PRR5: variants seen among roughly 807,000 people sequenced by gnomAD.
The protein encoded by PRR5 is proline rich 5, also known as proline-rich protein 5.
Under a neutral mutation model 30.6 loss-of-function variants are expected in PRR5, and 25 were observed. The ratio of observed to expected loss-of-function variants is 0.82; its 90% CI spans 0.60 to 1.14. PRR5 has a LOEUF of 1.14. Ranked by LOEUF, PRR5 falls within the 50% of genes most tolerant of loss-of-function variation. The probability of loss-of-function intolerance (pLI) is 0.00; values close to 1 mark genes in which losing one functional copy is unlikely to be tolerated. For synonymous variants in PRR5, 286 were observed against 247.1 expected (o/e 1.16, Z -1.48); for missense variants, 600 against 547.1 (o/e 1.10, Z -0.96).
At chr22:44,732,455 C>T (rs1602093998) in intron 6 of PRR5, 64 bp downstream of exon 6, 2 of 1,560,142 alleles carry the variant, frequency 1.3e-6, no homozygotes, top group East Asian at 4.6e-5. Context: ...CTCAGGTCCC[C>T]ACAGGCAGAG....
upstream of PRR5, among the ~76,000 whole-genome samples, chr22:44,697,893 T>G (rs1285081125): frequency 6.6e-6 from 1 of 152,210 alleles, no homozygotes; most frequent in East Asian, 1.9e-4. Context: ...CCCTGTATCA[T>G]GCCTATAGTA....
chr22:44,713,696 C>G (rs970537406), intron 1 of PRR5, among the ~76,000 whole-genome samples: 1 of 152,108 alleles, frequency 6.6e-6, no homozygotes, highest in Admixed American at 6.5e-5. Flanking sequence ...ACACCAGTCA[C>G]GTTGAGCAGT....
Position 44,736,978 on chromosome 22 carries a change from G to A in PRR5, c.898G>A (p.Gly300Ser), listed in dbSNP as rs749045779. 66 of 1,600,708 alleles carry A rather than the reference G, an allele frequency of 4.1e-5. No homozygotes were observed. The highest frequency in any genetic ancestry group is 6.6e-5 in the South Asian group (6 of 90,682). ...PEPQGFSDPP[G>S]QGPTGTFRSS... ...GCCTCAGGGCTTCTCCGACCCGCCC[G>A]GCCAGGGCCCCACCGGGACCTTCAG... The change falls in exon 8 of 8, where the codon GGC becomes AGC. Residue 300 changes from glycine to serine, a missense_variant. Gly to Ser is a moderately conservative substitution (Grantham distance 56, BLOSUM62 0). Transcript: ENST00000336985.
chr22:44,694,340 C>A (rs1324764563), intron 1 of PRR5, among the ~76,000 whole-genome samples: 3 of 152,186 alleles, frequency 2.0e-5, no homozygotes, highest in African/African-American at 7.2e-5. Context: ...AAGTTCGAGA[C>A]CAGCCTGGCC....
chr22:44,730,504 C>T (rs1171197094), intron 4 of PRR5: 49 of 989,440 alleles, frequency 5.0e-5, no homozygotes, highest in South Asian at 1.8e-4. Context: ...CAGCTGTCCC[C>T]GTCCCACAAG....
At chr22:44,725,317 G>A (rs376694994) in intron 3 of PRR5, 25 bp downstream of exon 3, 3 of 1,611,474 alleles carry the variant, frequency 1.9e-6, no homozygotes, top group Non-Finnish European at 2.5e-6. Flanking sequence ...CTCCAGCCAG[G>A]CTGGGCCTGC....
intron 1 of PRR5, among the ~76,000 whole-genome samples, chr22:44,688,076 G>A (rs544306223): frequency 3.3e-5 from 5 of 150,252 alleles, no homozygotes; most frequent in Admixed American, 2.0e-4. Context: ...CACCCGGCCT[G>A]AGTTTCTAGT....
At chr22:44,669,105 GCT>G (rs896000604) in intron 1 of PRR5, among the ~76,000 whole-genome samples, 5 of 125,292 alleles carry the variant, frequency 4.0e-5, no homozygotes, top group Non-Finnish European at 6.6e-5. Context: ...AGCCTCTCTC[GCT>G]CGCCCCCCGC....
chr22:44,732,905 ATACACAC>A (rs1922418380), intron 6 of PRR5, among the ~76,000 whole-genome samples: 1 of 144,362 alleles, frequency 6.9e-6, no homozygotes, highest in African/African-American at 2.7e-5. Flanking sequence ...GTGCACACGC[ATACACAC>A]TACACACGTG....
At chr22:44,717,595 G>T (rs1180101104) in intron 2 of PRR5, among the ~76,000 whole-genome samples, 1 of 152,132 alleles carries the variant, frequency 6.6e-6, no homozygotes, top group African/African-American at 2.4e-5. Context: ...GTCTGTGGAT[G>T]TGCCTATTCT....
chr22:44,700,057 T>TG (rs1428420468), upstream of PRR5, among the ~76,000 whole-genome samples: 1 of 152,178 alleles, frequency 6.6e-6, no homozygotes, highest in Non-Finnish European at 1.5e-5. Flanking sequence ...AGTTCATGCC[T>TG]GTAATCCTAA....
At chr22:44,696,699 A>G (rs1249459782) in intron 1 of PRR5, among the ~76,000 whole-genome samples, 3 of 151,804 alleles carry the variant, frequency 2.0e-5, no homozygotes, top group Non-Finnish European at 4.4e-5. Flanking sequence ...CTGCTGTGGG[A>G]CCAAGGAAGA....
chr22:44,735,708 A>T (rs1403784284), intron 7 of PRR5, among the ~76,000 whole-genome samples: 2 of 152,076 alleles, frequency 1.3e-5, no homozygotes, highest in African/African-American at 4.8e-5. Flanking sequence ...CCCGCGGGGG[A>T]GGCCGACCAG....
intron 3 of PRR5, among the ~76,000 whole-genome samples, chr22:44,726,125 G>A (rs1489547196): frequency 2.0e-5 from 3 of 152,218 alleles, no homozygotes; most frequent in East Asian, 3.8e-4. Flanking sequence ...TCATTGGCGG[G>A]TGCTTGGGTT....
chr22:44,695,980 G>A lies in PRR5; in HGVS notation c.-10-6512G>A, dbSNP rs979386130. ...GAGTCCCTCTCTGTCACCCAGGCTG[G>A]AGTGCAATGGCACAGTCACTGAAAC... is the stretch of plus-strand genomic sequence containing the variant. On this transcript the variant is annotated intron_variant, in intron 1 of 8. Coordinates refer to the PRR5 transcript ENST00000006251. Among the ~76,000 whole-genome samples the A allele has an allele frequency of 4.9e-5, 7 of 142,696 alleles. No individual in the cohort carries two copies. The South Asian group carries it at 6.7e-4, about 14-fold the overall frequency. 93.6% of individuals were successfully genotyped at this position (142,696 alleles called of 152,430 possible). A position where few individuals can be genotyped will look rare whatever the true frequency, so the allele number is the denominator to read the frequency against.
intron 6 of PRR5, among the ~76,000 whole-genome samples, chr22:44,732,930 A>G (rs1922435721): frequency 7.5e-6 from 1 of 134,140 alleles, no homozygotes; most frequent in South Asian, 2.7e-4. Flanking sequence ...GTGCGCACGC[A>G]CATACTACAC....
chr22:44,690,587 C>G (rs1342125895), intron 1 of PRR5, among the ~76,000 whole-genome samples: 3 of 152,142 alleles, frequency 2.0e-5, no homozygotes, highest in Non-Finnish European at 2.9e-5. Context: ...TCTCATTTCA[C>G]AGATGGGGAA....
intron 4 of PRR5, chr22:44,729,609 G>A (rs1921547213): frequency 7.1e-6 from 7 of 985,334 alleles, no homozygotes; most frequent in African/African-American, 1.7e-5. Context: ...CCGCCTGGAG[G>A]AACTTCCTGG....
chr22:44,698,418 C>T (rs377140151), upstream of PRR5, among the ~76,000 whole-genome samples: 26 of 149,730 alleles, frequency 1.7e-4, no homozygotes, highest in East Asian at 4.1e-3. Context: ...GGAGTGGGGG[C>T]CACTCTGGTG....
Sources: gnomAD v4.1 joint callset for allele counts (sites outside exome capture counted in the v4.1 genomes callset) on GRCh38, gnomAD v4.1.1 for gene constraint, MANE v1.5 for transcripts, NCBI Gene and HGNC (gene_info 2026-07-23, HGNC 2026-07-21) for gene names.